Variants in EVI5 observed in about 807,000 individuals in gnomAD.
EVI5 encodes ecotropic viral integration site 5 protein homolog.
A neutral mutation model predicts 112.0 loss-of-function variants in EVI5; 73 were observed. The ratio of observed to expected loss-of-function variants is 0.65; its 90% confidence interval spans 0.54 to 0.79. The LOEUF (loss-of-function observed/expected upper bound fraction) is 0.79, where lower values mean the gene tolerates loss of function less well. Ranked by LOEUF, EVI5 falls within the 30% of genes least tolerant of loss-of-function variation. EVI5 has a pLI of 0.00. For synonymous variants in EVI5, 305 were observed against 319.9 expected (o/e 0.95, Z 0.50); for missense variants, 900 against 968.8 (o/e 0.93, Z 0.94).
chr1:92,736,565 T>A lies in EVI5; in HGVS notation c.-19A>T. 1 of 1,614,098 alleles carries A rather than the reference T, an allele frequency of 6.2e-7. No homozygotes were observed. Among genetic ancestry groups the A allele is most frequent in the Non-Finnish European group, 8.5e-7 (1 of 1,179,952 alleles). Reference sequence around the variant, plus strand: ...TGGCCATCTGACTGACTGTATGCGATACTGTGTTCTTCACCCATGAGAGAG... The same window carrying A: ...TGGCCATCTGACTGACTGTATGCGAAACTGTGTTCTTCACCCATGAGAGAG... On this transcript the variant is annotated 5_prime_UTR_variant, in exon 2 of 20. Coordinates refer to ENST00000684568, the MANE Select transcript of EVI5 (RefSeq NM_001350197.2).
intron 19 of EVI5, among the ~76,000 whole-genome samples, chr1:92,527,419 A>AT (rs1200049029): frequency 8.1e-6 from 1 of 123,422 alleles, no homozygotes; most frequent in East Asian, 2.8e-4. Context: ...TGTCTCAAAA[A>AT]AAAAAAAAAA....
At chr1:92,523,367 A>G (rs1204322151) in intron 19 of EVI5, among the ~76,000 whole-genome samples, 2 of 152,120 alleles carry the variant, frequency 1.3e-5, no homozygotes, top group East Asian at 3.8e-4. Flanking sequence ...AGCAAATGAA[A>G]AAGGATTTTT....
intron 2 of EVI5, chr1:92,732,612 GA>G (rs1208953299): frequency 1.8e-5 from 3 of 165,436 alleles, no homozygotes; most frequent in African/African-American, 7.2e-5. Flanking sequence ...TTAAAGCTTT[GA>G]CAATAGGCTG....
chr1:92,652,095 C>T (rs1232495194), intron 13 of EVI5, among the ~76,000 whole-genome samples: 1 of 152,064 alleles, frequency 6.6e-6, no homozygotes, highest in African/African-American at 2.4e-5. Flanking sequence ...AGAAATAACC[C>T]AAATGTCCAT....
At chr1:92,712,726 C>T (rs1339422388) in intron 2 of EVI5, among the ~76,000 whole-genome samples, 1 of 151,814 alleles carries the variant, frequency 6.6e-6, no homozygotes, top group African/African-American at 2.4e-5. Context: ...ATCTATTTTG[C>T]TTGCAAGCTC....
chr1:92,519,455 C>A (rs1660497426), intron 19 of EVI5, among the ~76,000 whole-genome samples: 1 of 152,124 alleles, frequency 6.6e-6, no homozygotes, highest in Admixed American at 6.5e-5. Context: ...CATAAAAGAA[C>A]ACACCAAGCA....
At chr1:92,732,361 C>T in intron 2 of EVI5, 1 of 334,450 alleles carries the variant, frequency 3.0e-6, no homozygotes, top group Non-Finnish European at 5.8e-6. Flanking sequence ...ACATTGATTC[C>T]AAAACAGGAG....
At chr1:92,521,223 A>G (rs1660879307) in intron 19 of EVI5, among the ~76,000 whole-genome samples, 1 of 152,058 alleles carries the variant, frequency 6.6e-6, no homozygotes, top group Non-Finnish European at 1.5e-5. Context: ...TTGCCTCTCA[A>G]AGTGCTGAGA....
At chr1:92,619,186 T>C (rs945266698) in intron 16 of EVI5, among the ~76,000 whole-genome samples, 2 of 152,134 alleles carry the variant, frequency 1.3e-5, no homozygotes, top group Non-Finnish European at 2.9e-5. Flanking sequence ...GTCAGTGGGC[T>C]GGGGTAGGCA....
chr1:92,715,516 C>T (rs1208030527), intron 2 of EVI5, among the ~76,000 whole-genome samples: 4 of 152,170 alleles, frequency 2.6e-5, no homozygotes, highest in African/African-American at 9.7e-5. Flanking sequence ...ATAGGAACAG[C>T]TCTGGTCTGC....
intron 2 of EVI5, among the ~76,000 whole-genome samples, chr1:92,711,969 G>A (rs370476059): frequency 5.5e-4 from 84 of 152,168 alleles, no homozygotes; most frequent in Middle Eastern, 6.8e-3. Flanking sequence ...AGGCCTTTAC[G>A]GGCCCTCACA....
chr1:92,669,547 C>CAAAAAAAAAAAAAAAAAAAAAAAAAAA lies in EVI5; in HGVS notation c.1159-3556_1159-3555insTTTTTTTTTTTTTTTTTTTTTTTTTTT, dbSNP rs56412396. On this transcript the variant is annotated intron_variant, in intron 10 of 19. Coordinates refer to ENST00000684568, the MANE Select transcript of EVI5 (RefSeq NM_001350197.2). ...TGGGCAACGGAGCAAGGCTCTGTCTCAAAAAAAAAAAAAATCACTGGGAAA... is the reference window on the plus strand; with the variant it reads ...TGGGCAACGGAGCAAGGCTCTGTCTCAAAAAAAAAAAAAAAAAAAAAAAAAAAAAAAAAAAAAAAAATCACTGGGAAA... 4.6e-4 allele frequency among the ~76,000 whole-genome samples: 24 copies of CAAAAAAAAAAAAAAAAAAAAAAAAAAA among 51,794 alleles called. 6 individuals carry two copies. The highest frequency in any genetic ancestry group is 4.7e-4 in the Non-Finnish European group (15 of 31,584). The allele number at this position is 51,794 out of a possible 152,430, so 34.0% of individuals were successfully genotyped here.
chr1:92,667,340 A>G (rs1050997229), intron 10 of EVI5, among the ~76,000 whole-genome samples: 3 of 152,168 alleles, frequency 2.0e-5, no homozygotes, highest in African/African-American at 7.2e-5. Context: ...TTTATTATAC[A>G]GTATAGATGA....
At chr1:92,787,670 G>T (rs1213706919), upstream of EVI5, among the ~76,000 whole-genome samples, 1 of 152,010 alleles carries the variant, frequency 6.6e-6, no homozygotes, top group African/African-American at 2.4e-5. Context: ...AGCCTGGAAG[G>T]GTGAGGCCGA....
intron 13 of EVI5, among the ~76,000 whole-genome samples, chr1:92,639,114 C>T (rs1212423821): frequency 6.6e-6 from 1 of 152,060 alleles, no homozygotes. Context: ...TCTATACTTA[C>T]ATCAAGTTAA....
At chr1:92,702,100 T>C (rs199996296) in intron 5 of EVI5, 41 bp downstream of exon 5, 5 of 1,038,666 alleles carry the variant, frequency 4.8e-6, no homozygotes, top group Non-Finnish European at 7.1e-6. Context: ...TCCAACTTAA[T>C]AAAAAATTTC....
At chr1:92,532,021 T>C in intron 19 of EVI5, among the ~76,000 whole-genome samples, 1 of 152,104 alleles carries the variant, frequency 6.6e-6, no homozygotes, top group East Asian at 1.9e-4. Context: ...GACCCATCAG[T>C]GTGCTGTATT....
At chr1:92,527,961 C>T (rs1042332358) in intron 19 of EVI5, among the ~76,000 whole-genome samples, 3 of 152,148 alleles carry the variant, frequency 2.0e-5, no homozygotes, top group Non-Finnish European at 4.4e-5. Flanking sequence ...AGTATATGTA[C>T]TCATTTCTCT....
intron 18 of EVI5, among the ~76,000 whole-genome samples, chr1:92,572,145 A>G (rs1474531914): frequency 6.6e-6 from 1 of 152,158 alleles, no homozygotes; most frequent in East Asian, 1.9e-4. Context: ...TTAAGCCAAG[A>G]GAGCTTTGTA....
Sources: allele counts gnomAD v4.1 joint callset (sites outside exome capture counted in the v4.1 genomes callset), GRCh38; gene constraint gnomAD v4.1.1; transcripts MANE v1.5; gene names NCBI Gene and HGNC (gene_info 2026-07-23, HGNC 2026-07-21).